Variants in CAMK2G observed in about 807,000 individuals in gnomAD.
CAMK2G encodes the protein calcium/calmodulin-dependent protein kinase type II subunit gamma.
CAMK2G carries 23 observed loss-of-function variants against 88.7 expected under a neutral mutation model. That is an observed-to-expected ratio of 0.26 (90% confidence interval 0.19 to 0.37). CAMK2G has a LOEUF of 0.37. CAMK2G is among the 10% of genes least tolerant of loss of function. CAMK2G has a pLI of 1.00. For missense variants in CAMK2G, 476 were observed against 780.8 expected (o/e 0.61, Z 4.65); for synonymous variants, 263 against 294.8 (o/e 0.89, Z 1.11).
At chr10:73,843,500 A>T (rs2093977954) in intron 10 of CAMK2G, among the ~76,000 whole-genome samples, 1 of 152,174 alleles carries the variant, frequency 6.6e-6, no homozygotes, top group Admixed American at 6.5e-5. Context: ...TAATTTCAGA[A>T]TATAGTGATG....
At chr10:73,849,229 A>G (rs1469534013) in intron 6 of CAMK2G, 32 bp downstream of exon 6, 1 of 1,598,536 alleles carries the variant, frequency 6.3e-7, no homozygotes, top group Non-Finnish European at 8.6e-7. Flanking sequence ...ACACTTCATG[A>G]GCAGAGGCAC....
At chr10:73,843,393 G>A (rs2093967212) in intron 10 of CAMK2G, among the ~76,000 whole-genome samples, 2 of 152,168 alleles carry the variant, frequency 1.3e-5, no homozygotes, top group South Asian at 4.1e-4. Flanking sequence ...TGTCTTCAAT[G>A]TATTTACTGC....
rs914046302 is a variant in CAMK2G, at chr10:73,821,734, T to C, written c.1201-4A>G. 3.1e-6 allele frequency: 5 copies of C among 1,610,104 alleles called. No homozygotes were observed. Among genetic ancestry groups the C allele is most frequent in the Non-Finnish European group, 1.7e-6 (2 of 1,177,888 alleles). ...TGTTGCAGCTCTCTGTGGAGCCCTG[T>C]AGGCCAAAAAGAACATGTTTCTATA... On this transcript the variant is annotated splice_region_variant and splice_polypyrimidine_tract_variant and intron_variant, in intron 17 of 22. Transcript: ENST00000423381.
intron 3 of CAMK2G, among the ~76,000 whole-genome samples, chr10:73,854,094 A>G (rs1472444782): frequency 5.9e-5 from 9 of 152,178 alleles, no homozygotes; most frequent in Non-Finnish European, 1.2e-4. Flanking sequence ...ACCTGACTCC[A>G]AAGACTGTGG....
intron 3 of CAMK2G, among the ~76,000 whole-genome samples, chr10:73,859,005 T>C (rs2095241285): frequency 1.3e-5 from 2 of 152,250 alleles, no homozygotes; most frequent in African/African-American, 4.8e-5. Context: ...GCTGTTCTCC[T>C]GCCTACATGA....
chr10:73,862,000 C>G (rs1052873006), intron 2 of CAMK2G, among the ~76,000 whole-genome samples: 7 of 152,164 alleles, frequency 4.6e-5, no homozygotes, highest in South Asian at 2.1e-4. Context: ...TCTTGGCCAC[C>G]ATGGCTGTAA....
intron 20 of CAMK2G, 122 bp downstream of exon 20, chr10:73,817,357 T>G: frequency 1.2e-6 from 1 of 837,416 alleles, no homozygotes; most frequent in Non-Finnish European, 2.0e-6. Context: ...AGGAGAGGGC[T>G]TAACTCAGAT....
At position 73,817,053 on chromosome 10, in the gene CAMK2G, T is replaced by C. The variant is rs747048377; in HGVS notation, c.1504A>G (p.Met502Val). 101 of 1,613,676 alleles carry C rather than the reference T, an allele frequency of 6.3e-5. No homozygotes were observed. In the South Asian group the frequency reaches 1.1e-3, roughly 17 times the overall value. Reference sequence around the variant, plus strand: ...TCAAAGTAAAACTTATGGAAATCCATCCCCTCCACGAGGTTACCAAGGGCC... The same window carrying C: ...TCAAAGTAAAACTTATGGAAATCCACCCCCTCCACGAGGTTACCAAGGGCC... Reference protein sequence around the residue: ...PEALGNLVEGMDFHKFYFENL... With the variant: ...PEALGNLVEGVDFHKFYFENL... Residue 502 changes from methionine to valine, a missense_variant, in exon 21 of 23, where the codon ATG (methionine) becomes GTG (valine). Physicochemically the swap from Met to Val is conservative, Grantham distance 21 (BLOSUM62 1). Coordinates refer to ENST00000423381, the MANE Select transcript of CAMK2G (RefSeq NM_001367534.1).
chr10:73,853,181 G>C lies in CAMK2G; in HGVS notation c.275+11C>G, dbSNP rs2094770186. On this transcript the variant is annotated intron_variant, in intron 4 of 22. Transcript: ENST00000423381. ...GGAAAGGCCCCCACACCCTCAGAAA[G>C]TGGCACTTACAGGTCAAACACGAGG... The C allele has an allele frequency of 1.2e-6, 2 of 1,613,070 alleles. No individual in the cohort carries two copies. The highest frequency in any genetic ancestry group is 1.7e-6 in the Non-Finnish European group (2 of 1,179,082).
chr10:73,873,413 C>T (rs995026380), intron 1 of CAMK2G: 1 of 1,187,746 alleles, frequency 8.4e-7, no homozygotes, highest in Non-Finnish European at 1.1e-6. Flanking sequence ...GACAGCCCTG[C>T]GGTCCCGGCC....
rs554459763 is a variant in CAMK2G, at chr10:73,871,631, C to T, written c.160+1358G>A. 2.6e-5 allele frequency among the ~76,000 whole-genome samples: 4 copies of T among 152,282 alleles called. No homozygotes were observed. In the East Asian group the frequency reaches 7.7e-4, roughly 29 times the overall value. On this transcript the variant is annotated intron_variant, in intron 2 of 22. Coordinates refer to ENST00000423381, the MANE Select transcript of CAMK2G (RefSeq NM_001367534.1). ...CCCAGCCCCTGTTGTCCCCCCCACC[C>T]CCACTCCAGGGTATCTGACTGCCCA...
intron 3 of CAMK2G, among the ~76,000 whole-genome samples, chr10:73,856,918 T>C (rs1294945174): frequency 6.6e-6 from 1 of 152,248 alleles, no homozygotes; most frequent in Non-Finnish European, 1.5e-5. Flanking sequence ...ATATGCCACA[T>C]TTTAACTAAC....
intron 2 of CAMK2G, 76 bp downstream of exon 2, chr10:73,872,913 T>C (rs2095886196): frequency 1.1e-6 from 1 of 938,486 alleles, no homozygotes; most frequent in South Asian, 1.3e-5. Context: ...CAACCCCCAA[T>C]TCCTGGGGCT....
At position 73,812,874 on chromosome 10, in the gene CAMK2G, G is replaced by A. The variant is rs549805619; in HGVS notation, c.*1644C>T. 2.8e-4 allele frequency: 43 copies of A among 152,864 alleles called. No individual in the cohort carries two copies. Among genetic ancestry groups the A allele is most frequent in the African/African-American group, 1.0e-3 (43 of 41,600 alleles). 9.5% of individuals were successfully genotyped at this position (152,864 alleles called of 1,614,324 possible). A position where few individuals can be genotyped will look rare whatever the true frequency, so the allele number is the denominator to read the frequency against. Reference sequence around the variant, plus strand: ...GACTGCAGGGCAGGAAAGGGCTAGGGCCCAGGGGCTGGGACATGCATGAGG... The same window carrying A: ...GACTGCAGGGCAGGAAAGGGCTAGGACCCAGGGGCTGGGACATGCATGAGG... On this transcript the variant is annotated 3_prime_UTR_variant, in exon 23 of 23. Transcript: ENST00000423381.
chr10:73,849,530 G>A (rs539960494), intron 5 of CAMK2G, among the ~76,000 whole-genome samples, 197 bp from the exon 6 acceptor site: 1 of 152,296 alleles, frequency 6.6e-6, no homozygotes, highest in South Asian at 2.1e-4. Flanking sequence ...CGAGGCCCAG[G>A]CAGATGCAAT....
chr10:73,871,112 G>T lies in CAMK2G; in HGVS notation c.160+1877C>A, dbSNP rs2095812627. 2.0e-5 allele frequency among the ~76,000 whole-genome samples: 3 copies of T among 152,122 alleles called. No homozygotes were observed. In the South Asian group the frequency reaches 6.2e-4, roughly 31 times the overall value. On this transcript the variant is annotated intron_variant, in intron 2 of 22. Coordinates refer to ENST00000423381, the MANE Select transcript of CAMK2G (RefSeq NM_001367534.1). The stretch of plus-strand genomic sequence containing the variant: ...TCTTGGCATATCCATCTTGGGAGAG[G>T]GGGAGTTGCTGTCTGAAGCATATAC...
At chr10:73,815,949 C>T (rs2085314148) in intron 21 of CAMK2G, 1 of 985,276 alleles carries the variant, frequency 1.0e-6, no homozygotes, top group Non-Finnish European at 1.2e-6. Flanking sequence ...TGACACCTTC[C>T]TAGTACTAAT....
At chr10:73,852,226 C>T (rs1397354410) in intron 5 of CAMK2G, 28 bp downstream of exon 5, 2 of 1,589,322 alleles carry the variant, frequency 1.3e-6, no homozygotes, top group South Asian at 2.2e-5. Flanking sequence ...TCCAGAGCTA[C>T]ATTTGAACTC....
rs766846930 is a variant in CAMK2G, at chr10:73,848,997, A to G, written c.517+16T>C. On this transcript the variant is annotated intron_variant, in intron 7 of 22. Coordinates refer to ENST00000423381, the MANE Select transcript of CAMK2G (RefSeq NM_001367534.1). The surrounding 1 kb of genome is among the most constrained non-coding windows in gnomAD (Gnocchi z 4.5). ...AGGGCGGGGGCTGCATTCCGGGAAG[A>G]CAGGATCACCCTTACCAAACCAAGC... The G allele has an allele frequency of 3.6e-5, 54 of 1,513,570 alleles. No homozygotes were observed. Among genetic ancestry groups the G allele is most frequent in the Non-Finnish European group, 4.8e-5 (52 of 1,088,284 alleles). 93.8% of individuals were successfully genotyped at this position (1,513,570 alleles called of 1,614,324 possible). A position where few individuals can be genotyped will look rare whatever the true frequency, so the allele number is the denominator to read the frequency against.
Sources: allele counts gnomAD v4.1 joint callset (sites outside exome capture counted in the v4.1 genomes callset), GRCh38; gene constraint gnomAD v4.1.1; non-coding constraint Gnocchi (gnomAD v3.1); transcripts MANE v1.5; gene names NCBI Gene and HGNC (gene_info 2026-07-23, HGNC 2026-07-21).